RNF180: variants seen among roughly 807,000 people sequenced by gnomAD.
RNF180 encodes ring finger protein 180.
Under a neutral mutation model 59.2 loss-of-function variants are expected in RNF180, and 38 were observed. The observed-to-expected ratio is 0.64, with a 90% confidence interval of 0.50 to 0.84. The LOEUF (loss-of-function observed/expected upper bound fraction) is 0.84. RNF180 is among the 40% of genes least tolerant of loss of function. RNF180 has a pLI of 0.00. For synonymous variants in RNF180, 262 were observed against 240.3 expected (o/e 1.09, Z -0.84); for missense variants, 705 against 700.9 (o/e 1.01, Z -0.07).
At chr5:64,211,920 A>G (rs1752333722) in intron 2 of RNF180, 145 bp from the exon 3 acceptor site, 6 of 488,644 alleles carry the variant, frequency 1.2e-5, no homozygotes, top group Non-Finnish European at 2.2e-5. Context: ...TTGTTTTTTT[A>G]TTATGGGAGT....
At chr5:64,338,782 G>A (rs1745236094) in intron 7 of RNF180, among the ~76,000 whole-genome samples, 1 of 152,018 alleles carries the variant, frequency 6.6e-6, no homozygotes, top group Non-Finnish European at 1.5e-5. Flanking sequence ...CTTAAATGGA[G>A]TTTAATTTTG....
Position 64,201,013 on chromosome 5 carries a change from C to A in RNF180, c.135+71C>A, listed in dbSNP as rs928994986. 9 of 1,168,920 alleles carry A rather than the reference C, an allele frequency of 7.7e-6. No individual in the cohort carries two copies. The African/African-American group carries it at 1.1e-4, about 14-fold the overall frequency. The allele number at this position is 1,168,920 out of a possible 1,614,324, so 72.4% of individuals were successfully genotyped here. On this transcript the variant is annotated intron_variant, in intron 2 of 7. Transcript: ENST00000389100. ...CTGTGGGCCTATCCACACACATGCA[C>A]ACTTATTCTTCTCTACCTTATTAAG... is the stretch of plus-strand genomic sequence containing the variant.
At chr5:64,212,443 A>G (rs927565325) in intron 3 of RNF180, among the ~76,000 whole-genome samples, 10 of 152,088 alleles carry the variant, frequency 6.6e-5, no homozygotes, top group East Asian at 3.8e-4. Context: ...ACACATATAC[A>G]TATTTACCTA....
At chr5:64,272,509 T>C (rs748629187) in intron 5 of RNF180, among the ~76,000 whole-genome samples, 1 of 151,982 alleles carries the variant, frequency 6.6e-6, no homozygotes, top group Non-Finnish European at 1.5e-5. Context: ...ATGATACAGA[T>C]GTTGGTCTTT....
At chr5:64,185,996 C>G (rs1317728380) in intron 1 of RNF180, among the ~76,000 whole-genome samples, 1 of 152,198 alleles carries the variant, frequency 6.6e-6, no homozygotes, top group East Asian at 1.9e-4. Context: ...GCCCAAGTCT[C>G]TCGGCTTCCC....
At chr5:64,184,257 C>T (rs573058207) in intron 1 of RNF180, among the ~76,000 whole-genome samples, 1 of 152,262 alleles carries the variant, frequency 6.6e-6, no homozygotes, top group East Asian at 1.9e-4. Context: ...GTCTGTGGTA[C>T]TTTGTTATGG....
intron 5 of RNF180, among the ~76,000 whole-genome samples, chr5:64,301,697 C>G (rs1743166472): frequency 1.4e-5 from 2 of 138,548 alleles, no homozygotes; most frequent in Admixed American, 6.9e-5. Flanking sequence ...TATGCCACAT[C>G]AGAATGTGTG....
chr5:64,330,386 A>G lies in RNF180; in HGVS notation c.1559A>G (p.Lys520Arg). The change falls in exon 7 of 8, where the codon AAA becomes AGA. Residue 520 changes from lysine to arginine, a missense_variant. Lys to Arg is a conservative substitution (Grantham distance 26). Transcript: ENST00000389100. ...SAKWPLPSCRKAFHLFGGFRR... is the reference protein window; with the variant it reads ...SAKWPLPSCRRAFHLFGGFRR... Reference sequence around the variant, plus strand: ...AAATGGCCCCTACCAAGCTGCAGAAAAGCATTTCATCTTTTTGGAGGTAAG... The same window carrying G: ...AAATGGCCCCTACCAAGCTGCAGAAGAGCATTTCATCTTTTTGGAGGTAAG... 6.5e-7 allele frequency: 1 copy of G among 1,538,646 alleles called. No homozygotes were observed. The highest frequency in any genetic ancestry group is 1.3e-5 in the South Asian group (1 of 79,944).
At position 64,214,247 on chromosome 5, in the gene RNF180, A is replaced by T. The variant is rs775157128; in HGVS notation, c.921A>T (p.Gly307=). 6.2e-7 allele frequency: 1 copy of T among 1,614,040 alleles called. No individual in the cohort carries two copies. The highest frequency in any genetic ancestry group is 8.5e-7 in the Non-Finnish European group (1 of 1,180,004). ...VAPHETQTQR[G]GEFQCGLEAA... The stretch of plus-strand genomic sequence containing the variant: ...CCCATGAGACCCAGACACAAAGAGG[A>T]GGAGAATTTCAGTGTGGTCTAGAAG... The change falls in exon 4 of 8, where the codon GGA becomes GGT. Residue 307 remains glycine, a synonymous_variant. Coordinates refer to ENST00000389100, the MANE Select transcript of RNF180 (RefSeq NM_001113561.2).
intron 1 of RNF180, among the ~76,000 whole-genome samples, chr5:64,192,096 G>A (rs1340383138): frequency 6.6e-6 from 1 of 151,868 alleles, no homozygotes; most frequent in Non-Finnish European, 1.5e-5. Flanking sequence ...AAGATCACTT[G>A]ATCATATATG....
chr5:64,208,490 C>A (rs1030289079), intron 2 of RNF180, among the ~76,000 whole-genome samples: 3 of 151,920 alleles, frequency 2.0e-5, no homozygotes, highest in African/African-American at 7.2e-5. Flanking sequence ...CTTGTTTTAT[C>A]ATTTATATAT....
chr5:64,255,350 C>T lies in RNF180; in HGVS notation c.1227+37954C>T, dbSNP rs114456919. On this transcript the variant is annotated intron_variant, in intron 5 of 7. Coordinates refer to ENST00000389100, the MANE Select transcript of RNF180 (RefSeq NM_001113561.2). Reference sequence around the variant, plus strand: ...GTATATCTCCAAATGCTATCCCCCTCGCCCCAGCCCCACAACAGGCCCTGG... The same window carrying T: ...GTATATCTCCAAATGCTATCCCCCTTGCCCCAGCCCCACAACAGGCCCTGG... Among the ~76,000 whole-genome samples the T allele has an allele frequency of 9.3e-3, 1,415 of 151,780 alleles. 19 individuals are homozygous for T. Among genetic ancestry groups the T allele is most frequent in the African/African-American group, 0.033 (1,349 of 41,478 alleles).
intron 5 of RNF180, among the ~76,000 whole-genome samples, chr5:64,258,284 A>T (rs567324887): frequency 6.6e-6 from 1 of 152,194 alleles, no homozygotes; most frequent in Admixed American, 6.5e-5. Context: ...GGAAATTTAA[A>T]AAAAGATTAA....
chr5:64,313,848 T>G (rs1270940510), intron 5 of RNF180, among the ~76,000 whole-genome samples: 1 of 152,132 alleles, frequency 6.6e-6, no homozygotes, highest in Non-Finnish European at 1.5e-5. Context: ...ATAGCCATTC[T>G]GACTGTTGTG....
chr5:64,331,124 C>T (rs1184321169), intron 7 of RNF180, among the ~76,000 whole-genome samples: 1 of 152,258 alleles, frequency 6.6e-6, no homozygotes, highest in African/African-American at 2.4e-5. Context: ...CCTAGGCCCA[C>T]TCCAAACTCT....
In RNF180 at chr5:64,361,068, G is replaced by C. The variant is rs75661737; in HGVS notation, c.1580-8547G>C. On this transcript the variant is annotated intron_variant, in intron 7 of 7. Coordinates refer to ENST00000389100, the MANE Select transcript of RNF180 (RefSeq NM_001113561.2). Reference sequence around the variant, plus strand: ...CAGAACAAAGGCAGTTAGTACTTCTGCTTGCAAGATGTGCAGGCACACATT... The same window carrying C: ...CAGAACAAAGGCAGTTAGTACTTCTCCTTGCAAGATGTGCAGGCACACATT... Among the ~76,000 whole-genome samples the C allele has an allele frequency of 3.2e-3, 486 of 151,464 alleles. 1 individual carries two copies. Among genetic ancestry groups the C allele is most frequent in the African/African-American group, 0.012 (478 of 41,404 alleles).
intron 5 of RNF180, among the ~76,000 whole-genome samples, chr5:64,289,425 T>A (rs182182595): frequency 3.9e-5 from 6 of 152,180 alleles, no homozygotes; most frequent in Admixed American, 3.9e-4. Context: ...TAGGGAGGAG[T>A]TCCCATTTTT....
chr5:64,270,197 G>A (rs1741310500), intron 5 of RNF180, among the ~76,000 whole-genome samples: 1 of 151,146 alleles, frequency 6.6e-6, no homozygotes. Flanking sequence ...TTTTAGAGGA[G>A]ACTACCGTAA....
chr5:64,242,483 A>T (rs889070101), intron 5 of RNF180, among the ~76,000 whole-genome samples: 38 of 152,204 alleles, frequency 2.5e-4, no homozygotes, highest in African/African-American at 9.2e-4. Context: ...AGAAACAATT[A>T]AAAAAACTGA....
Sources: allele counts gnomAD v4.1 joint callset (sites outside exome capture counted in the v4.1 genomes callset), GRCh38; gene constraint gnomAD v4.1.1; transcripts MANE v1.5; gene names NCBI Gene and HGNC (gene_info 2026-07-23, HGNC 2026-07-21).